The following SLC5A2 variants were observed in gnomAD, a reference collection of about 807,000 sequenced individuals.
SLC5A2 encodes the protein solute carrier family 5 member 2, also known as sodium/glucose cotransporter 2.
A neutral mutation model predicts 69.0 loss-of-function variants in SLC5A2; 67 were observed. That is an observed-to-expected ratio of 0.97 (90% CI 0.80 to 1.19). The LOEUF is 1.19. Among genes scored for constraint, SLC5A2 ranks in the 50% most tolerant of loss-of-function variants. The pLI is 0.00. For missense variants in SLC5A2, 1,001 were observed against 921.5 expected (o/e 1.09, Z -1.12); for synonymous variants, 455 against 395.8 (o/e 1.15, Z -1.78).
rs552837231 is a variant in SLC5A2 at position 31,490,085 on chromosome 16, G to A, written c.1666-19G>A. On this transcript the variant is annotated intron_variant, in intron 12 of 13. Coordinates refer to ENST00000330498, the MANE Select transcript of SLC5A2 (RefSeq NM_003041.4). ...GGGGGACAGAACTCCCACCTCGTTC[G>A]TGCTCCCACCCTCCCCAGCTCCACC... is the stretch of plus-strand genomic sequence containing the variant. 26 of 1,612,914 alleles carry A rather than the reference G, an allele frequency of 1.6e-5. No homozygotes were observed. The highest frequency in any genetic ancestry group is 1.8e-4 in the Middle Eastern group (1 of 5,620).
chr16:31,490,677 C>T lies in SLC5A2; in HGVS notation c.*142C>T, dbSNP rs2082558922. 1 of 1,070,598 alleles carries T rather than the reference C, an allele frequency of 9.3e-7. No individual in the cohort carries two copies. The highest frequency in any genetic ancestry group is 1.4e-6 in the Non-Finnish European group (1 of 711,234). The allele number at this position is 1,070,598 out of a possible 1,614,324, so 66.3% of individuals were successfully genotyped here. On this transcript the variant is annotated 3_prime_UTR_variant, in exon 14 of 14. Transcript: ENST00000330498. Reference sequence around the variant, plus strand: ...TCTCCCGGCCTTCCTCTGCCTGGGGCCCACTGCATCTGATTGGCAGTCACT... The same window carrying T: ...TCTCCCGGCCTTCCTCTGCCTGGGGTCCACTGCATCTGATTGGCAGTCACT...
rs150546732 is a variant in SLC5A2, at chr16:31,488,896, A to G, written c.1297A>G (p.Ile433Val). ...CCGCCGCAGGCTCTGGGTGGTGTTC[A>G]TCGTGGTAGTGTCGGTGGCCTGGCT... ...LLVGRLWVVFIVVVSVAWLPV... is the reference protein window; with the variant it reads ...LLVGRLWVVFVVVVSVAWLPV... The change falls in exon 11 of 14, where the codon ATC (isoleucine) becomes GTC (valine). Residue 433 changes from isoleucine to valine, a missense_variant. Coordinates refer to ENST00000330498, the MANE Select transcript of SLC5A2 (RefSeq NM_003041.4). 5,597 of 1,605,452 alleles carry G rather than the reference A, an allele frequency of 3.5e-3. 13 individuals are homozygous for G. Among genetic ancestry groups the G allele is most frequent in the Non-Finnish European group, 4.5e-3 (5,306 of 1,179,826 alleles).
rs766515814 is a variant in SLC5A2, at chr16:31,489,338, CG to C, written c.1665+1del. On this transcript the variant is annotated splice_donor_variant, in intron 12 of 13. Coordinates refer to ENST00000330498, the MANE Select transcript of SLC5A2 (RefSeq NM_003041.4). LOFTEE classifies it high-confidence loss of function. ...GCACCGCGCCCATCCCCAGAAAGCA[CG>C]TGAGTGGCCAGGTGCCCCAGGCAAG... 1.8e-5 allele frequency: 29 copies of C among 1,606,836 alleles called. No individual in the cohort carries two copies. The highest frequency in any genetic ancestry group is 2.3e-5 in the Non-Finnish European group (27 of 1,179,792).
In SLC5A2 at chr16:31,488,431, CGGA is replaced by C; in HGVS notation, c.1073_1075del (p.Glu358del). 1 of 1,611,740 alleles carries C rather than the reference CGGA, an allele frequency of 6.2e-7. No individual in the cohort carries two copies. The highest frequency in any genetic ancestry group is 1.1e-5 in the South Asian group (1 of 90,892). On this transcript the variant is annotated inframe_deletion, in exon 9 of 14. Transcript: ENST00000330498. ...GAGGTGTGCAGGCGCGTGTGCGGCA[CGGA>C]GGTGGGCTGCTCCAACATCGCCTAC...
Position 31,488,737 on chromosome 16 carries a change from A to G in SLC5A2, c.1245A>G (p.Pro415=), listed in dbSNP as rs1439440008. The stretch of plus-strand genomic sequence containing the variant: ...TGGACATCTACACGCGCCTGCGGCC[A>G]CGCGCCGGCGACCGCGAGCTGCTGC... ...FTMDIYTRLR[P]RAGDRELLLV... is the part of the protein sequence containing the mutation. The change falls in exon 10 of 14, where the codon CCA becomes CCG. Residue 415 remains proline (P), a synonymous_variant. Coordinates refer to ENST00000330498, the MANE Select transcript of SLC5A2 (RefSeq NM_003041.4). 7.5e-6 allele frequency: 12 copies of G among 1,609,226 alleles called. No homozygotes were observed. Among genetic ancestry groups the G allele is most frequent in the Non-Finnish European group, 9.3e-6 (11 of 1,178,370 alleles).
At position 31,490,115 on chromosome 16, in the gene SLC5A2, G is replaced by C; in HGVS notation, c.1677G>C (p.Leu559=). The C allele has an allele frequency of 6.2e-7, 1 of 1,613,942 alleles. No individual in the cohort carries two copies. The highest frequency in any genetic ancestry group is 8.5e-7 in the Non-Finnish European group (1 of 1,180,022). ...CCCACCCTCCCCAGCTCCACCGCCT[G>C]GTCTTCAGTCTCCGGCATAGCAAGG... ...APIPRKHLHR[L]VFSLRHSKEE... Residue 559 remains leucine (L), a synonymous_variant, in exon 13 of 14, where the codon CTG becomes CTC. Transcript: ENST00000330498.
At chr16:31,488,827 G>C in intron 10 of SLC5A2, 53 bp from the exon 11 acceptor site, 1 of 1,600,904 alleles carries the variant, frequency 6.2e-7, no homozygotes, top group South Asian at 1.1e-5. Flanking sequence ...GGGGGCTTGC[G>C]CACCTGCAGG....
intron 5 of SLC5A2, 131 bp from the exon 6 acceptor site, chr16:31,487,189 A>G (rs1321055020): frequency 2.2e-6 from 2 of 920,738 alleles, no homozygotes. Context: ...GAGCCCCGAG[A>G]ACAGGCTATC....
At chr16:31,488,194 C>A (rs773935588) in intron 8 of SLC5A2, 21 bp downstream of exon 8, 1 of 1,614,002 alleles carries the variant, frequency 6.2e-7, no homozygotes, top group Non-Finnish European at 8.5e-7. Context: ...TGCCCCGCCC[C>A]TTTCCTGTGC....
At chr16:31,483,329 G>C (rs1020749042) in intron 1 of SLC5A2, 67 bp downstream of exon 1, 8 of 1,594,982 alleles carry the variant, frequency 5.0e-6, no homozygotes, top group Non-Finnish European at 6.9e-6. Flanking sequence ...AAGTCTCAGG[G>C]GGACCCTAGG....
In SLC5A2 at chr16:31,490,359, T is replaced by C. The variant is rs1207635046; in HGVS notation, c.1843T>C (p.Cys615Arg). 1.2e-6 allele frequency: 2 copies of C among 1,613,030 alleles called. No individual in the cohort carries two copies. The highest frequency in any genetic ancestry group is 1.7e-6 in the Non-Finnish European group (2 of 1,179,672). Residue 615 changes from cysteine to arginine, a missense_variant, in exon 14 of 14, where the codon TGT (cysteine) becomes CGT (arginine). Transcript: ENST00000330498. ...SLFRQCLLWF[C>R]GMSRGGVGSP... ...CTTCCGCCAGTGCCTGCTCTGGTTT[T>C]GTGGAATGAGCAGAGGTGGGGTGGG...
At position 31,486,256 on chromosome 16, in the gene SLC5A2, C is replaced by G; in HGVS notation, c.555C>G (p.Thr185=). Reference sequence around the variant, plus strand: ...CCGTCATCGCGCTTCTGGGCATCACCATGATTTACACGGTGACAGGTGCCA... The same window carrying G: ...CCGTCATCGCGCTTCTGGGCATCACGATGATTTACACGGTGACAGGTGCCA... ...YASVIALLGI[T]MIYTVTGGLA... The change falls in exon 5 of 14, where the codon ACC becomes ACG. Residue 185 remains threonine (T), a synonymous_variant. Coordinates refer to ENST00000330498, the MANE Select transcript of SLC5A2 (RefSeq NM_003041.4). 1 of 1,613,562 alleles carries G rather than the reference C, an allele frequency of 6.2e-7. No homozygotes were observed. The highest frequency in any genetic ancestry group is 2.2e-5 in the East Asian group (1 of 44,852).
chr16:31,484,743 C>A lies in SLC5A2; in HGVS notation c.197C>A (p.Pro66Gln). The change falls in exon 2 of 14, where the codon CCG (proline) becomes CAG (glutamine). Residue 66 changes from proline (P) to glutamine (Q), a missense_variant and splice_region_variant. Physicochemically the swap from Pro to Gln is moderately conservative, Grantham distance 76 (BLOSUM62 -1). Coordinates refer to ENST00000330498, the MANE Select transcript of SLC5A2 (RefSeq NM_003041.4). ...FLAGRSMVWWPVGASLFASNI... is the reference protein window; with the variant it reads ...FLAGRSMVWWQVGASLFASNI... Reference sequence around the variant, plus strand: ...GCAGGACGCAGCATGGTGTGGTGGCCGGTGAGACGGGCTGGGCCGGGAACG... The same window carrying A: ...GCAGGACGCAGCATGGTGTGGTGGCAGGTGAGACGGGCTGGGCCGGGAACG... 1 of 1,610,526 alleles carries A rather than the reference C, an allele frequency of 6.2e-7. No homozygotes were observed. The highest frequency in any genetic ancestry group is 1.1e-5 in the South Asian group (1 of 91,082).
chr16:31,488,181 C>A lies in SLC5A2; in HGVS notation c.1021+8C>A, dbSNP rs772969465. The stretch of plus-strand genomic sequence containing the variant: ...GCCGCATTCTGTACCCAGGTAACAT[C>A]CCTGCCCCGCCCCTTTCCTGTGCCA... On this transcript the variant is annotated splice_region_variant and intron_variant, in intron 8 of 13. Coordinates refer to ENST00000330498, the MANE Select transcript of SLC5A2 (RefSeq NM_003041.4). 8 of 1,613,978 alleles carry A rather than the reference C, an allele frequency of 5.0e-6. No individual in the cohort carries two copies. The South Asian group carries it at 6.6e-5, about 13-fold the overall frequency.
chr16:31,483,832 C>T (rs1012251071), intron 1 of SLC5A2, among the ~76,000 whole-genome samples: 3 of 152,034 alleles, frequency 2.0e-5, no homozygotes, highest in African/African-American at 7.2e-5. Context: ...AGCAATCCTT[C>T]TGCCTCTGCC....
In SLC5A2 at chr16:31,490,670, C is replaced by A; in HGVS notation, c.*135C>A. On this transcript the variant is annotated 3_prime_UTR_variant, in exon 14 of 14. Transcript: ENST00000330498. ...CTCCCCTTCTCCCGGCCTTCCTCTG[C>A]CTGGGGCCCACTGCATCTGATTGGC... 1 of 1,089,534 alleles carries A rather than the reference C, an allele frequency of 9.2e-7. No individual in the cohort carries two copies. Among genetic ancestry groups the A allele is most frequent in the Non-Finnish European group, 1.4e-6 (1 of 728,728 alleles). The allele number at this position is 1,089,534 out of a possible 1,614,324, so 67.5% of individuals were successfully genotyped here. A position where few individuals can be genotyped will look rare whatever the true frequency, so the allele number is the denominator to read the frequency against.
Position 31,484,677 on chromosome 16 carries a change from T to A in SLC5A2, c.131T>A (p.Met44Lys), listed in dbSNP as rs779818577. The A allele has an allele frequency of 4.8e-5, 77 of 1,607,614 alleles. No individual in the cohort carries two copies. The highest frequency in any genetic ancestry group is 6.0e-5 in the Non-Finnish European group (71 of 1,180,002). ...TCCCCCGCCTCTGTCTCCCAGTCCA[T>A]GTGCAGAACCAACAGAGGCACTGTG... ...LLVIGVGLWS[M>K]CRTNRGTVGG... Residue 44 changes from methionine (M) to lysine (K), a missense_variant, in exon 2 of 14, where the codon ATG becomes AAG. Met to Lys is a moderately conservative substitution (Grantham distance 95). Coordinates refer to ENST00000330498, the MANE Select transcript of SLC5A2 (RefSeq NM_003041.4).
intron 12 of SLC5A2, chr16:31,489,807 G>A (rs920824219): frequency 2.1e-6 from 1 of 467,128 alleles, no homozygotes; most frequent in Admixed American, 3.3e-5. Flanking sequence ...AACACTGTGA[G>A]CAGGACTGCC....
At chr16:31,483,382 T>TG (rs1252349149) in intron 1 of SLC5A2, 120 bp downstream of exon 1, 64 of 1,317,534 alleles carry the variant, frequency 4.9e-5, no homozygotes, top group Non-Finnish European at 6.8e-5. Context: ...AACCTAGGCC[T>TG]GGGGGCAAGC....
Sources: allele counts gnomAD v4.1 joint callset (sites outside exome capture counted in the v4.1 genomes callset), GRCh38; gene constraint gnomAD v4.1.1; transcripts MANE v1.5; gene names NCBI Gene and HGNC (gene_info 2026-07-23, HGNC 2026-07-21).